PIEZO2: variants seen among roughly 807,000 people sequenced by gnomAD.
The protein encoded by PIEZO2 is piezo-type mechanosensitive ion channel component 2.
PIEZO2 carries 172 observed loss-of-function variants against 337.3 expected under a neutral mutation model. The observed-to-expected ratio is 0.51, with a 90% CI of 0.45 to 0.58. The LOEUF (loss-of-function observed/expected upper bound fraction) is 0.58. Ranked by LOEUF, PIEZO2 falls within the 20% of genes least tolerant of loss-of-function variation. The pLI is 0.00. For missense variants in PIEZO2, 3,028 were observed against 3,391.3 expected, an observed-to-expected ratio of 0.89 and a Z score of 2.66; for synonymous variants, 1,251 against 1,228.5, an observed-to-expected ratio of 1.02 and a Z score of -0.38.
chr18:10,691,782 C>CACACACACATATATATATATATATATAT, intron 47 of PIEZO2, among the ~76,000 whole-genome samples: 6 of 96,614 alleles, frequency 6.2e-5, no homozygotes, highest in Admixed American at 2.3e-4. Flanking sequence ...CACACACACA[C>CACACACACATATATATATATATATATAT]ATATATATAT....
At position 10,877,862 on chromosome 18, in the gene PIEZO2, A is replaced by G. The variant is rs2042309623; in HGVS notation, c.330-6447T>C. ...CCACATCCCAGATCTGGTTTCCCTT[A>G]TCTCTTGCCATCATTTCCCTCTACC... is the stretch of plus-strand genomic sequence containing the variant. On this transcript the variant is annotated intron_variant, in intron 4 of 55. Coordinates refer to ENST00000674853, the MANE Select transcript of PIEZO2 (RefSeq NM_001378183.1). This position sits in a 1 kb window ranked among gnomAD's most constrained non-coding sequence, Gnocchi z 5.3. Among the ~76,000 whole-genome samples, 1 of 151,968 alleles carries G rather than the reference A, an allele frequency of 6.6e-6. No individual in the cohort carries two copies. The highest frequency in any genetic ancestry group is 6.6e-5 in the Admixed American group (1 of 15,250).
intron 4 of PIEZO2, among the ~76,000 whole-genome samples, chr18:10,896,820 G>A (rs1279418834): frequency 6.6e-6 from 1 of 152,186 alleles, no homozygotes; most frequent in Non-Finnish European, 1.5e-5. Flanking sequence ...TGTCTGAGAA[G>A]AAGGTTCCTG....
intron 3 of PIEZO2, among the ~76,000 whole-genome samples, chr18:10,960,047 C>A (rs552110141): frequency 3.2e-4 from 48 of 152,082 alleles, no homozygotes; most frequent in Non-Finnish European, 4.4e-5. Flanking sequence ...CACAAATTAT[C>A]AAATTGAAGT....
chr18:10,696,349 G>A (rs775170942), intron 46 of PIEZO2, 43 bp downstream of exon 46: 36 of 1,613,630 alleles, frequency 2.2e-5, no homozygotes, highest in Middle Eastern at 1.6e-4. Flanking sequence ...AAGCGCCATC[G>A]CCATGGGTCA....
rs1339845043 is a variant in PIEZO2, at chr18:11,146,530, T to C, written c.64+1995A>G. ...GTGCTGTGAACCAGGCCAGCTCCCC[T>C]TGGGAGGGCAGAGTACTACAGCCCT... is the stretch of plus-strand genomic sequence containing the variant. On this transcript the variant is annotated intron_variant, in intron 1 of 55. Transcript: ENST00000674853. The surrounding 1 kb of genome is among the most constrained non-coding windows in gnomAD (Gnocchi z 6.1). Among the ~76,000 whole-genome samples the C allele has an allele frequency of 6.6e-6, 1 of 152,090 alleles. No individual in the cohort carries two copies. Among genetic ancestry groups the C allele is most frequent in the Non-Finnish European group, 1.5e-5 (1 of 68,006 alleles).
intron 3 of PIEZO2, among the ~76,000 whole-genome samples, chr18:10,956,307 T>G (rs920808253): frequency 5.3e-5 from 8 of 152,246 alleles, no homozygotes; most frequent in African/African-American, 1.9e-4. Flanking sequence ...CAAAAAATAC[T>G]TAGGAATAAA....
rs538543908 is a variant in PIEZO2, at chr18:10,943,331, G to A, written c.287-32103C>T. Among the ~76,000 whole-genome samples the A allele has an allele frequency of 3.9e-5, 6 of 152,336 alleles. No homozygotes were observed. The highest frequency in any genetic ancestry group is 3.3e-4 in the Admixed American group (5 of 15,302). On this transcript the variant is annotated intron_variant, in intron 3 of 55. Coordinates refer to ENST00000674853, the MANE Select transcript of PIEZO2 (RefSeq NM_001378183.1). This position sits in a 1 kb window ranked among gnomAD's most constrained non-coding sequence, Gnocchi z 4.5. ...AACCAGTGAAAGCAGCCAAGAGGGA[G>A]GCTGTACCCTGCAAAGCCCCAGGGG...
rs1043259529 is a variant in PIEZO2 at position 10,691,124 on chromosome 18, T to G, written c.7349+101A>C. ...AGAGTTCCACAACGATTCCCACTGC[T>G]GAATTCATCCTCTCCCCCTTACTTC... On this transcript the variant is annotated intron_variant, in intron 48 of 55. Coordinates refer to ENST00000674853, the MANE Select transcript of PIEZO2 (RefSeq NM_001378183.1). 71 of 1,326,976 alleles carry G rather than the reference T, an allele frequency of 5.4e-5. No homozygotes were observed. In the Admixed American group the frequency reaches 1.1e-3, roughly 21 times the overall value. The allele number at this position is 1,326,976 out of a possible 1,614,324, so 82.2% of individuals were successfully genotyped here.
At chr18:10,920,044 G>A (rs1206020045) in intron 3 of PIEZO2, among the ~76,000 whole-genome samples, 1 of 152,166 alleles carries the variant, frequency 6.6e-6, no homozygotes, top group East Asian at 1.9e-4. Context: ...AAAGATACAA[G>A]TATATTTCAT....
chr18:10,717,168 T>C (rs1392883407), intron 37 of PIEZO2, among the ~76,000 whole-genome samples: 1 of 152,206 alleles, frequency 6.6e-6, no homozygotes, highest in East Asian at 1.9e-4. Context: ...GTTCCCTGTT[T>C]TGAGAGAGTT....
intron 7 of PIEZO2, among the ~76,000 whole-genome samples, chr18:10,852,582 TTC>T (rs1358440884): frequency 1.3e-5 from 2 of 152,216 alleles, no homozygotes; most frequent in Admixed American, 6.5e-5. Context: ...CTCTCACACA[TTC>T]TGTCTTTATA....
intron 2 of PIEZO2, among the ~76,000 whole-genome samples, chr18:11,050,678 T>G (rs992347576): frequency 4.6e-5 from 7 of 152,054 alleles, no homozygotes; most frequent in Admixed American, 3.9e-4. Flanking sequence ...AAAAGTTAAC[T>G]TGATCTGCTA....
intron 1 of PIEZO2, among the ~76,000 whole-genome samples, chr18:11,134,581 A>G (rs978498529): frequency 5.3e-5 from 8 of 152,130 alleles, no homozygotes; most frequent in South Asian, 2.1e-4. Context: ...GAATTTTTCA[A>G]TGTGTGCTCC....
rs73384319 is a variant in PIEZO2 at position 10,766,371 on chromosome 18, G to A, written c.2947-3273C>T. On this transcript the variant is annotated intron_variant, in intron 21 of 55. Coordinates refer to ENST00000674853, the MANE Select transcript of PIEZO2 (RefSeq NM_001378183.1). This position sits in a 1 kb window ranked among gnomAD's most constrained non-coding sequence, Gnocchi z 6.1. ...GACAATGACTATGACAAATACCTGG[G>A]CCACAACCAACACCTGATGAATTAG... Among the ~76,000 whole-genome samples, 3,169 of 152,186 alleles carry A rather than the reference G, an allele frequency of 0.021. 105 individuals carry two copies. Among genetic ancestry groups the A allele is most frequent in the African/African-American group, 0.072 (2,968 of 41,506 alleles).
intron 2 of PIEZO2, among the ~76,000 whole-genome samples, chr18:11,024,797 C>A (rs1464232511): frequency 1.3e-5 from 2 of 151,826 alleles, no homozygotes; most frequent in Admixed American, 1.3e-4. Context: ...CGCCACCATA[C>A]CTGGCTAATT....
chr18:10,740,781 T>A (rs2037185542), intron 33 of PIEZO2: 4 of 640,634 alleles, frequency 6.2e-6, no homozygotes, highest in African/African-American at 1.8e-5. Context: ...CCCTAGAGTC[T>A]ATAAGCCACG....
Position 10,796,212 on chromosome 18 carries a change from A to T in PIEZO2, c.1527+1162T>A, listed in dbSNP as rs189400726. ...ACCCCGTCTCTACTAAAAATAAAAA[A>T]AAAAAAAATTAGCCGGGCGTGGTGG... On this transcript the variant is annotated intron_variant, in intron 12 of 55. Coordinates refer to ENST00000674853, the MANE Select transcript of PIEZO2 (RefSeq NM_001378183.1). 1.3e-3 allele frequency among the ~76,000 whole-genome samples: 200 copies of T among 151,952 alleles called. 1 individual carries two copies. The highest frequency in any genetic ancestry group is 3.4e-3 in the Middle Eastern group (1 of 294).
rs1406976288 is a variant in PIEZO2, at chr18:11,110,643, G to A, written c.64+37882C>T. ...GGAGCCGGTGAGCAGCCCCAGGCCA[G>A]GCTAGCAAGTCAGTGGCCTCTGATG... On this transcript the variant is annotated intron_variant, in intron 1 of 55. Transcript: ENST00000674853. The surrounding 1 kb of genome is among the most constrained non-coding windows in gnomAD (Gnocchi z 4.2). Among the ~76,000 whole-genome samples the A allele has an allele frequency of 6.6e-6, 1 of 152,210 alleles. No individual in the cohort carries two copies. Among genetic ancestry groups the A allele is most frequent in the Admixed American group, 6.5e-5 (1 of 15,284 alleles).
At chr18:10,693,606 T>A (rs961164731) in intron 47 of PIEZO2, among the ~76,000 whole-genome samples, 1 of 151,802 alleles carries the variant, frequency 6.6e-6, no homozygotes, top group Non-Finnish European at 1.5e-5. Context: ...GACCTTGTGA[T>A]CCACCTGGCC....
Sources: gnomAD v4.1 joint callset for allele counts (sites outside exome capture counted in the v4.1 genomes callset) on GRCh38, gnomAD v4.1.1 for gene constraint, Gnocchi (gnomAD v3.1) non-coding constraint, MANE v1.5 for transcripts, NCBI Gene and HGNC (gene_info 2026-07-23, HGNC 2026-07-21) for gene names.